PXYLP1: variants seen among roughly 807,000 people sequenced by gnomAD.
The protein encoded by PXYLP1 is 2-phosphoxylose phosphatase 1, also known as acid phosphatase-like 2.
In PXYLP1, 17 loss-of-function variants were observed where a neutral mutation model predicts 37.9. That is an observed-to-expected ratio of 0.45 (90% CI 0.31 to 0.67). The LOEUF (loss-of-function observed/expected upper bound fraction) is 0.67. Ranked by LOEUF, PXYLP1 falls within the 30% of genes least tolerant of loss-of-function variation. The probability of loss-of-function intolerance (pLI) is 0.07; values close to 1 mark genes in which losing one functional copy is unlikely to be tolerated. For synonymous variants in PXYLP1, 221 were observed against 232.2 expected (o/e 0.95, Z 0.44); for missense variants, 511 against 612.0 (o/e 0.84, Z 1.74).
chr3:141,254,917 C>G (rs921034529), intron 1 of PXYLP1, among the ~76,000 whole-genome samples: 4 of 152,150 alleles, frequency 2.6e-5, no homozygotes, highest in Admixed American at 1.3e-4. Flanking sequence ...ATTCTGTACA[C>G]TTTGAAGGAC....
chr3:141,290,538 G>C (rs1276965367), intron 5 of PXYLP1, among the ~76,000 whole-genome samples: 2 of 152,236 alleles, frequency 1.3e-5, no homozygotes, highest in African/African-American at 4.8e-5. Context: ...TACAGAGCAG[G>C]TAGTGTTGGA....
At chr3:141,252,481 G>C (rs1331690991) in intron 1 of PXYLP1, among the ~76,000 whole-genome samples, 1 of 152,156 alleles carries the variant, frequency 6.6e-6, no homozygotes, top group Admixed American at 6.5e-5. Context: ...GAGAGCGGGA[G>C]CAAGAGAGAG....
At chr3:141,254,438 G>T (rs1941215108) in intron 1 of PXYLP1, among the ~76,000 whole-genome samples, 1 of 152,206 alleles carries the variant, frequency 6.6e-6, no homozygotes, top group South Asian at 2.1e-4. Context: ...TCAGCTTTTA[G>T]AAATGAGCCT....
At position 141,292,910 on chromosome 3, in the gene PXYLP1, C is replaced by T. The variant is rs115983278; in HGVS notation, c.1148C>T (p.Ser383Leu). Residue 383 changes from serine (S) to leucine (L), a missense_variant, in exon 6 of 6, where the codon TCA becomes TTA. Physicochemically the swap from Ser to Leu is moderately radical, Grantham distance 145. Coordinates refer to ENST00000286353, the MANE Select transcript of PXYLP1 (RefSeq NM_001037172.3). This position sits in a 1 kb window ranked among gnomAD's most constrained non-coding sequence, Gnocchi z 4.3. ...TACTCTGCTCATGATGTCACTCTGT[C>T]ACCAGTTCTCAGTGCCTTGGGCCTT... ...ALYSAHDVTL[S>L]PVLSALGLSE... 5.9e-5 allele frequency: 96 copies of T among 1,614,186 alleles called. No homozygotes were observed. The African/African-American group carries it at 1.2e-3, about 20-fold the overall frequency.
chr3:141,278,625 C>A (rs751012714), intron 3 of PXYLP1, 125 bp downstream of exon 3: 14 of 1,237,352 alleles, frequency 1.1e-5, no homozygotes, highest in Non-Finnish European at 1.6e-5. Context: ...AGGCTGTGCC[C>A]TTGAATGAGT....
chr3:141,274,072 A>C, intron 2 of PXYLP1: 1 of 988,058 alleles, frequency 1.0e-6, no homozygotes, highest in South Asian at 4.7e-5. Flanking sequence ...CAGAGTTTCT[A>C]ATTGTTCCAC....
chr3:141,265,287 G>GC (rs1405969715), intron 2 of PXYLP1, among the ~76,000 whole-genome samples: 11 of 151,064 alleles, frequency 7.3e-5, no homozygotes, highest in South Asian at 2.1e-4. Flanking sequence ...GTTTTCCAAA[G>GC]CACCTTCATC....
rs1210532576 is a variant in PXYLP1, at chr3:141,248,584, TATACACACAC to T, written c.-53-11538_-53-11529del. ...GTGTATATATATACACACATGTATA[TATACACACAC>T]GTGTATATATACACACGTATATATA... On this transcript the variant is annotated intron_variant, in intron 1 of 5. Transcript: ENST00000286353. Among the ~76,000 whole-genome samples the T allele has an allele frequency of 1.2e-4, 9 of 75,740 alleles. 1 individual carries two copies. Among genetic ancestry groups the T allele is most frequent in the African/African-American group, 6.7e-4 (9 of 13,506 alleles). 49.7% of individuals were successfully genotyped at this position (75,740 alleles called of 152,430 possible).
intron 1 of PXYLP1, among the ~76,000 whole-genome samples, chr3:141,254,382 G>A (rs1941213413): frequency 6.6e-6 from 1 of 152,162 alleles, no homozygotes; most frequent in African/African-American, 2.4e-5. Context: ...CTCAGGAAAT[G>A]TTATTTTGAA....
At chr3:141,260,582 G>T (rs1941371236) in intron 2 of PXYLP1, among the ~76,000 whole-genome samples, 1 of 152,274 alleles carries the variant, frequency 6.6e-6, no homozygotes, top group Admixed American at 6.5e-5. Context: ...CCTTTGATTG[G>T]GTCCTTGCAA....
intron 4 of PXYLP1, among the ~76,000 whole-genome samples, chr3:141,282,501 C>CACAT (rs1254135849): frequency 6.6e-6 from 1 of 151,786 alleles, no homozygotes; most frequent in Non-Finnish European, 1.5e-5. Flanking sequence ...CACACACACA[C>CACAT]ACACACACAC....
chr3:141,260,276 AG>A (rs776410716), intron 2 of PXYLP1, 22 bp downstream of exon 2: 1 of 1,610,022 alleles, frequency 6.2e-7, no homozygotes, highest in African/African-American at 1.3e-5. Context: ...CGGGCCCCGC[AG>A]GTCGTGGGAG....
At chr3:141,252,804 G>A (rs1559883336) in intron 1 of PXYLP1, among the ~76,000 whole-genome samples, 1 of 152,186 alleles carries the variant, frequency 6.6e-6, no homozygotes, top group Non-Finnish European at 1.5e-5. Flanking sequence ...ACCACCCTAG[G>A]GTAGAAGACA....
chr3:141,265,696 G>C (rs1330751747), intron 2 of PXYLP1, among the ~76,000 whole-genome samples: 1 of 152,196 alleles, frequency 6.6e-6, no homozygotes, highest in Non-Finnish European at 1.5e-5. Context: ...CAGGAGTCTG[G>C]CTCGGGGAGT....
intron 2 of PXYLP1, among the ~76,000 whole-genome samples, chr3:141,264,175 G>C (rs1220411319): frequency 1.3e-5 from 2 of 151,596 alleles, no homozygotes; most frequent in Non-Finnish European, 2.9e-5. Context: ...TTCCCAGTGG[G>C]AAAAGAGGAA....
At chr3:141,236,694 G>A (rs141378118) in intron 1 of PXYLP1, among the ~76,000 whole-genome samples, 331 of 152,276 alleles carry the variant, frequency 2.2e-3, no homozygotes, top group African/African-American at 7.7e-3. Flanking sequence ...GCAGACATAG[G>A]AGAATCTAGT....
In PXYLP1 at chr3:141,237,367, A is replaced by G. The variant is rs368201357; in HGVS notation, c.-54+5456A>G. On this transcript the variant is annotated intron_variant, in intron 1 of 5. Coordinates refer to ENST00000286353, the MANE Select transcript of PXYLP1 (RefSeq NM_001037172.3). ...TCTCTGTTGATGACTTCCTAATACT[A>G]GAGTACCTGAGTTGGTTGTGTATTC... Among the ~76,000 whole-genome samples the G allele has an allele frequency of 5.1e-4, 77 of 152,186 alleles. 1 individual carries two copies. Among genetic ancestry groups the G allele is most frequent in the African/African-American group, 1.8e-3 (74 of 41,450 alleles).
chr3:141,278,282 C>T (rs1559893137), intron 2 of PXYLP1, 60 bp from the exon 3 acceptor site: 1 of 1,597,666 alleles, frequency 6.3e-7, no homozygotes, highest in African/African-American at 1.3e-5. Flanking sequence ...TGCGCTGGGC[C>T]TTGCAGCTGG....
intron 1 of PXYLP1, among the ~76,000 whole-genome samples, chr3:141,246,583 C>T (rs1294637286): frequency 6.6e-6 from 1 of 152,170 alleles, no homozygotes; most frequent in East Asian, 1.9e-4. Flanking sequence ...TGGGGGATTG[C>T]TACTGGCTGT....
Sources: gnomAD v4.1 joint callset for allele counts (sites outside exome capture counted in the v4.1 genomes callset) on GRCh38, gnomAD v4.1.1 for gene constraint, Gnocchi (gnomAD v3.1) non-coding constraint, MANE v1.5 for transcripts, NCBI Gene and HGNC (gene_info 2026-07-23, HGNC 2026-07-21) for gene names.